Variants in RNF20 observed in about 807,000 individuals in gnomAD.
RNF20 encodes ring finger protein 20.
RNF20 carries 84 observed loss-of-function variants against 126.2 expected under a neutral mutation model. That is an observed-to-expected ratio of 0.67 (90% confidence interval 0.56 to 0.80). The LOEUF is 0.80. Among genes scored for constraint, RNF20 ranks in the 30% least tolerant of loss-of-function variants. The pLI is 0.00. For missense variants in RNF20, 869 were observed against 1,188.2 expected, an observed-to-expected ratio of 0.73 and a Z score of 3.95; for synonymous variants, 400 against 414.3, an observed-to-expected ratio of 0.97 and a Z score of 0.42.
At chr9:101,537,871 A>G (rs1827206960) in intron 2 of RNF20, among the ~76,000 whole-genome samples, 1 of 152,210 alleles carries the variant, frequency 6.6e-6, no homozygotes, top group African/African-American at 2.4e-5. Context: ...TTGGTGAAAT[A>G]GTGGGGATGG....
Position 101,547,519 on chromosome 9 carries a change from G to C in RNF20, c.1092+1G>C, listed in dbSNP as rs1272539655. The C allele has an allele frequency of 6.2e-7, 1 of 1,613,772 alleles. No homozygotes were observed. The highest frequency in any genetic ancestry group is 1.3e-5 in the African/African-American group (1 of 74,922). On this transcript the variant is annotated splice_donor_variant, in intron 9 of 19. Transcript: ENST00000389120. LOFTEE classifies it high-confidence loss of function. ...CACTACACAAAATGAAAAGCTGAAG[G>C]TAGGAACGCATCCCTGAAGGGCAGT...
At chr9:101,540,093 A>T (rs982903196) in intron 2 of RNF20, 110 bp from the exon 3 acceptor site, 2 of 1,055,776 alleles carry the variant, frequency 1.9e-6, no homozygotes, top group Admixed American at 2.8e-5. Context: ...TTAAAAGTCA[A>T]TAGCTTTATT....
intron 15 of RNF20, 62 bp from the exon 16 acceptor site, chr9:101,557,322 T>A: frequency 1.6e-6 from 2 of 1,254,252 alleles, no homozygotes; most frequent in Non-Finnish European, 2.3e-6. Flanking sequence ...TTTAGTTTCC[T>A]GTGCTCTTCC....
Position 101,547,410 on chromosome 9 carries a change from G to A in RNF20, c.984G>A (p.Met328Ile). ...ITINARKFEE[M>I]NAELEENKEL... ...CTGCTTCTCTGCAGTTTGAGGAAAT[G>A]AATGCAGAGCTTGAGGAGAACAAAG... Residue 328 changes from methionine (M) to isoleucine (I), a missense_variant, in exon 9 of 20, where the codon ATG becomes ATA. Coordinates refer to ENST00000389120, the MANE Select transcript of RNF20 (RefSeq NM_019592.7). The A allele has an allele frequency of 6.2e-7, 1 of 1,614,130 alleles. No individual in the cohort carries two copies. The highest frequency in any genetic ancestry group is 8.5e-7 in the Non-Finnish European group (1 of 1,180,000).
chr9:101,541,529 C>G (rs957774019), intron 5 of RNF20, among the ~76,000 whole-genome samples: 1 of 152,128 alleles, frequency 6.6e-6, no homozygotes, highest in African/African-American at 2.4e-5. Flanking sequence ...CTGATATACT[C>G]TATTAATGAC....
At chr9:101,557,341 T>C (rs1403785250) in intron 15 of RNF20, 43 bp from the exon 16 acceptor site, 1 of 1,454,206 alleles carries the variant, frequency 6.9e-7, no homozygotes, top group Non-Finnish European at 9.6e-7. Context: ...CCATTGAAGT[T>C]GGAAGATTCT....
At chr9:101,549,604 G>A (rs1287371590) in intron 9 of RNF20, among the ~76,000 whole-genome samples, 2 of 152,220 alleles carry the variant, frequency 1.3e-5, no homozygotes, top group South Asian at 2.1e-4. Flanking sequence ...TTCCTGGTCT[G>A]CTAAGTAGCA....
intron 18 of RNF20, among the ~76,000 whole-genome samples, chr9:101,561,697 G>A (rs1827630492): frequency 6.6e-6 from 1 of 152,156 alleles, no homozygotes; most frequent in African/African-American, 2.4e-5. Flanking sequence ...GGTAATAGAT[G>A]CAATTCTAAT....
chr9:101,540,410 A>C, intron 3 of RNF20, 40 bp downstream of exon 3: 4 of 1,612,716 alleles, frequency 2.5e-6, no homozygotes, highest in Non-Finnish European at 3.4e-6. Flanking sequence ...TTATTTGACC[A>C]ATTTAGTTCT....
chr9:101,546,803 T>G lies in RNF20; in HGVS notation c.748-17T>G, dbSNP rs376758526. On this transcript the variant is annotated splice_polypyrimidine_tract_variant and intron_variant, in intron 6 of 19. Transcript: ENST00000389120. ...TTTTTTGCTATATGTTTCTGAATGT[T>G]TGTCTTTGGGATGTAGTTCTCCAAG... is the stretch of plus-strand genomic sequence containing the variant. The G allele has an allele frequency of 2.3e-4, 375 of 1,613,722 alleles. 1 individual carries two copies. Among genetic ancestry groups the G allele is most frequent in the Non-Finnish European group, 2.5e-4 (291 of 1,179,792 alleles).
chr9:101,553,007 A>AGGAT (rs199636077), intron 13 of RNF20, among the ~76,000 whole-genome samples: 2,151 of 152,306 alleles, frequency 0.014, 26 homozygotes, highest in Non-Finnish European at 0.02. Flanking sequence ...ATTAAGGAAA[A>AGGAT]GGATGTCATG....
chr9:101,547,220 A>T lies in RNF20; in HGVS notation c.972+6A>T. On this transcript the variant is annotated splice_donor_region_variant and intron_variant, in intron 8 of 19. Transcript: ENST00000389120. The stretch of plus-strand genomic sequence containing the variant: ...TCACTATCAATGCTCGGAAGGTAAA[A>T]TCAGTGACTCAGGACATGTTTTGGA... 2.5e-6 allele frequency: 4 copies of T among 1,614,012 alleles called. No individual in the cohort carries two copies. The highest frequency in any genetic ancestry group is 1.1e-5 in the South Asian group (1 of 91,078).
rs1393327152 is a variant in RNF20 at position 101,546,879 on chromosome 9, C to T, written c.807C>T (p.Ser269=). 6.2e-7 allele frequency: 1 copy of T among 1,614,038 alleles called. No individual in the cohort carries two copies. The highest frequency in any genetic ancestry group is 2.2e-5 in the East Asian group (1 of 44,884). The change falls in exon 7 of 20, where the codon TCC becomes TCT. Residue 269 remains serine (S), a synonymous_variant. Coordinates refer to ENST00000389120, the MANE Select transcript of RNF20 (RefSeq NM_019592.7). The stretch of plus-strand genomic sequence containing the variant: ...AATCACGAGTGTCTGTCCTGGAGTC[C>T]ATGATTGATGACCTGCAGTGGGATA... The part of the protein sequence containing the change: ...TAESRVSVLE[S]MIDDLQWDID...
rs763876922 is a variant in RNF20, at chr9:101,547,130, T to C, written c.895-7T>C. 6.2e-7 allele frequency: 1 copy of C among 1,613,638 alleles called. No individual in the cohort carries two copies. The highest frequency in any genetic ancestry group is 8.5e-7 in the Non-Finnish European group (1 of 1,179,542). The stretch of plus-strand genomic sequence containing the variant: ...CTCTCACTAAAGAATCTTTGTGTTC[T>C]CTGTAGGTGAATTCCAAAGGTTATA... On this transcript the variant is annotated splice_region_variant and splice_polypyrimidine_tract_variant and intron_variant, in intron 7 of 19. Transcript: ENST00000389120.
intron 16 of RNF20, among the ~76,000 whole-genome samples, chr9:101,559,337 T>A (rs1827589604): frequency 6.6e-6 from 1 of 152,210 alleles, no homozygotes; most frequent in African/African-American, 2.4e-5. Flanking sequence ...ATGTGATGCC[T>A]CCAGATTTGT....
At position 101,552,471 on chromosome 9, in the gene RNF20, C is replaced by T. The variant is rs139962618; in HGVS notation, c.1619C>T (p.Ser540Phe). Residue 540 changes from serine to phenylalanine, a missense_variant, in exon 13 of 20, where the codon TCT becomes TTT. Physicochemically the swap from Ser to Phe is radical, Grantham distance 155. Transcript: ENST00000389120. Reference sequence around the variant, plus strand: ...GAGCCTGCGGAGCTAAAACCAGATTCTGAGGACTTATCCTCCCAGTCCTCA... The same window carrying T: ...GAGCCTGCGGAGCTAAAACCAGATTTTGAGGACTTATCCTCCCAGTCCTCA... ...KDEPAELKPD[S>F]EDLSSQSSAS... The T allele has an allele frequency of 3.3e-4, 534 of 1,613,798 alleles. 1 individual carries two copies. Among genetic ancestry groups the T allele is most frequent in the Non-Finnish European group, 4.3e-4 (506 of 1,179,702 alleles).
intron 13 of RNF20, among the ~76,000 whole-genome samples, chr9:101,553,732 C>T (rs980838970): frequency 2.6e-5 from 4 of 152,130 alleles, no homozygotes; most frequent in African/African-American, 9.7e-5. Context: ...AACAAGTACA[C>T]AAATGTCTGT....
chr9:101,551,710 G>A lies in RNF20; in HGVS notation c.1299G>A (p.Lys433=). 6.6e-7 allele frequency: 1 copy of A among 1,513,964 alleles called. No individual in the cohort carries two copies. The highest frequency in any genetic ancestry group is 8.9e-7 in the Non-Finnish European group (1 of 1,126,726). The allele number at this position is 1,513,964 out of a possible 1,614,324, so 93.8% of individuals were successfully genotyped here. Residue 433 remains lysine, a synonymous_variant, in exon 11 of 20, where the codon AAG becomes AAA. Transcript: ENST00000389120. Reference sequence around the variant, plus strand: ...GAGATGAGGTTAGTCTTCATAAGAAGCTGAGGACTGAAGTAATTCAGCTAG... The same window carrying A: ...GAGATGAGGTTAGTCTTCATAAGAAACTGAGGACTGAAGTAATTCAGCTAG... ...IERDEVSLHK[K]LRTEVIQLED...
At chr9:101,562,186 A>G in intron 19 of RNF20, 60 bp from the exon 20 acceptor site, 2 of 1,552,098 alleles carry the variant, frequency 1.3e-6, no homozygotes, top group Non-Finnish European at 1.8e-6. Flanking sequence ...GTAGTATATG[A>G]GAGCCATTTG....
Sources: gnomAD v4.1 joint callset for allele counts (sites outside exome capture counted in the v4.1 genomes callset) on GRCh38, gnomAD v4.1.1 for gene constraint, MANE v1.5 for transcripts, NCBI Gene and HGNC (gene_info 2026-07-23, HGNC 2026-07-21) for gene names.